The following VAV1 variants were observed in gnomAD, a reference collection of about 807,000 sequenced individuals.
The protein encoded by VAV1 is proto-oncogene vav.
In VAV1, 33 loss-of-function variants were observed where a neutral mutation model predicts 128.1. The ratio of observed to expected loss-of-function variants is 0.26; its 90% confidence interval spans 0.20 to 0.34. The LOEUF is 0.34. VAV1 is among the 10% of genes least tolerant of loss of function. The pLI, the probability that VAV1 is intolerant of heterozygous loss-of-function variation, is 1.00. For synonymous variants in VAV1, 394 were observed against 409.8 expected (o/e 0.96, Z 0.47); for missense variants, 715 against 1,093.7 (o/e 0.65, Z 4.88).
At chr19:6,848,439 C>T (rs542297967) in intron 23 of VAV1, among the ~76,000 whole-genome samples, 1 of 149,852 alleles carries the variant, frequency 6.7e-6, no homozygotes, top group Admixed American at 6.7e-5. Context: ...CTGACAGAGT[C>T]CCTTTGTCGC....
intron 1 of VAV1, among the ~76,000 whole-genome samples, chr19:6,813,437 T>C (rs373113596): frequency 3.3e-5 from 5 of 152,216 alleles, no homozygotes; most frequent in Non-Finnish European, 5.9e-5. Context: ...CCAGTCTTGG[T>C]TCAATGTGGG....
chr19:6,834,282 C>T (rs778293852), intron 19 of VAV1, among the ~76,000 whole-genome samples: 4 of 151,328 alleles, frequency 2.6e-5, no homozygotes, highest in Non-Finnish European at 4.4e-5. Context: ...CTTGCTGTGT[C>T]GCCCAGGCTG....
At chr19:6,823,638 CTCTT>C (rs1437724018) in intron 6 of VAV1, among the ~76,000 whole-genome samples, 14 of 152,010 alleles carry the variant, frequency 9.2e-5, no homozygotes, top group Admixed American at 8.5e-4. Context: ...CTCTGTCTCT[CTCTT>C]TATCTCTCAC....
Position 6,854,067 on chromosome 19 carries a change from A to G in VAV1, c.2453A>G (p.Gln818Arg). 2 of 1,613,730 alleles carry G rather than the reference A, an allele frequency of 1.2e-6. No individual in the cohort carries two copies. Among genetic ancestry groups the G allele is most frequent in the Non-Finnish European group, 1.7e-6 (2 of 1,180,000 alleles). The change falls in exon 26 of 27, where the codon CAA becomes CGA. Residue 818 changes from glutamine to arginine, a missense_variant. Gln to Arg is a conservative substitution (Grantham distance 43). Around this residue, in one of 3 missense-constraint regions of VAV1, gnomAD observed 407 missense variants for 580.6 expected, o/e 0.70. Coordinates refer to ENST00000602142, the MANE Select transcript of VAV1 (RefSeq NM_005428.4). ...IIKILNKKGQ[Q>R]GWWRGEIYGR... is the part of the protein sequence containing the mutation. ...AAGATCCTTAACAAGAAGGGACAGCAAGGCTGGTGGCGAGGGGAGATCTAT... is the reference window on the plus strand; with the variant it reads ...AAGATCCTTAACAAGAAGGGACAGCGAGGCTGGTGGCGAGGGGAGATCTAT...
At chr19:6,807,989 CA>C (rs980612666) in intron 1 of VAV1, among the ~76,000 whole-genome samples, 1,109 of 52,296 alleles carry the variant, frequency 0.021, 6 homozygotes, top group Admixed American at 0.044. Context: ...GACTCTGTCT[CA>C]AAAAAAAAAA....
intron 13 of VAV1, 139 bp from the exon 14 acceptor site, chr19:6,829,647 G>A: frequency 7.8e-7 from 1 of 1,275,488 alleles, no homozygotes; most frequent in Non-Finnish European, 1.1e-6. Flanking sequence ...GTGAAGTCAG[G>A]ATGGACAGGT....
chr19:6,832,261 A>G (rs1972077117), intron 15 of VAV1, 61 bp downstream of exon 15: 2 of 1,509,102 alleles, frequency 1.3e-6, no homozygotes, highest in Non-Finnish European at 1.8e-6. Context: ...GGAAGGAGGA[A>G]CGTGATCTAG....
At chr19:6,840,844 A>G (rs557721220) in intron 21 of VAV1, among the ~76,000 whole-genome samples, 1 of 151,336 alleles carries the variant, frequency 6.6e-6, no homozygotes, top group African/African-American at 2.4e-5. Context: ...GAATGGTGCA[A>G]TCTCGGCCCA....
At chr19:6,793,713 G>A (rs1971067808) in intron 1 of VAV1, among the ~76,000 whole-genome samples, 1 of 152,088 alleles carries the variant, frequency 6.6e-6, no homozygotes, top group Admixed American at 6.6e-5. Flanking sequence ...TAGAACTCAG[G>A]AGACATTCCC....
At chr19:6,801,955 G>A (rs332426) in intron 1 of VAV1, among the ~76,000 whole-genome samples, 22,558 of 152,150 alleles carry the variant, frequency 0.15, 2,291 homozygotes, top group African/African-American at 0.29. Context: ...TGCCAGCACA[G>A]TGGGTGCCCG....
chr19:6,836,692 T>G, intron 20 of VAV1, 124 bp downstream of exon 20: 1 of 1,439,080 alleles, frequency 6.9e-7, no homozygotes, highest in Non-Finnish European at 9.3e-7. Context: ...GGGAGTGGGG[T>G]AGGTAGACTG....
intron 1 of VAV1, among the ~76,000 whole-genome samples, chr19:6,778,024 C>G (rs1001561076): frequency 6.6e-6 from 1 of 152,100 alleles, no homozygotes; most frequent in African/African-American, 2.4e-5. Flanking sequence ...GCAACCTCCT[C>G]CTCCCGGGTT....
At chr19:6,781,131 G>A (rs2144694689) in intron 1 of VAV1, among the ~76,000 whole-genome samples, 1 of 152,100 alleles carries the variant, frequency 6.6e-6, no homozygotes, top group East Asian at 1.9e-4. Flanking sequence ...TCAAACTCCT[G>A]GCCTCAAGAG....
At chr19:6,807,300 G>T (rs1016575140) in intron 1 of VAV1, among the ~76,000 whole-genome samples, 1 of 151,930 alleles carries the variant, frequency 6.6e-6, no homozygotes, top group Admixed American at 6.6e-5. Flanking sequence ...GCAACTAGAT[G>T]ATCCCATCTG....
chr19:6,823,286 C>A (rs750088385), intron 6 of VAV1, among the ~76,000 whole-genome samples: 3 of 150,468 alleles, frequency 2.0e-5, no homozygotes, highest in Non-Finnish European at 4.4e-5. Context: ...CCACCATGCT[C>A]GACTAATTTT....
At position 6,828,990 on chromosome 19, in the gene VAV1, G is replaced by T. The variant is rs1447952772; in HGVS notation, c.1265+90G>T. The T allele has an allele frequency of 6.8e-7, 1 of 1,471,582 alleles. No individual in the cohort carries two copies. Among genetic ancestry groups the T allele is most frequent in the South Asian group, 1.2e-5 (1 of 86,198 alleles). The allele number at this position is 1,471,582 out of a possible 1,614,324, so 91.2% of individuals were successfully genotyped here. On this transcript the variant is annotated intron_variant, in intron 13 of 26. Transcript: ENST00000602142. This position sits in a 1 kb window ranked among gnomAD's most constrained non-coding sequence, Gnocchi z 4.5. The stretch of plus-strand genomic sequence containing the variant: ...TGGGCAGGTGGGTGGAGTCAACACA[G>T]ATCTGGGTGGAGCCTGGGCAGGGGC...
chr19:6,801,303 A>G (rs933849445), intron 1 of VAV1, among the ~76,000 whole-genome samples: 2 of 152,152 alleles, frequency 1.3e-5, no homozygotes, highest in Non-Finnish European at 2.9e-5. Flanking sequence ...AGATGAGTCA[A>G]TTGAATCAAC....
At chr19:6,795,700 T>C (rs1971118331) in intron 1 of VAV1, among the ~76,000 whole-genome samples, 1 of 152,112 alleles carries the variant, frequency 6.6e-6, no homozygotes, top group African/African-American at 2.4e-5. Flanking sequence ...TGTTTGTTTT[T>C]TGAGATGGAG....
chr19:6,846,090 T>C (rs1349849107), intron 22 of VAV1, among the ~76,000 whole-genome samples: 1 of 149,206 alleles, frequency 6.7e-6, no homozygotes, highest in African/African-American at 2.4e-5. Context: ...TATGTTACAT[T>C]TATGTCATAT....
Sources: allele counts gnomAD v4.1 joint callset (sites outside exome capture counted in the v4.1 genomes callset), GRCh38; gene constraint gnomAD v4.1.1; regional missense constraint gnomAD v4.1.1; non-coding constraint Gnocchi (gnomAD v3.1); transcripts MANE v1.5; gene names NCBI Gene and HGNC (gene_info 2026-07-23, HGNC 2026-07-21).